Variants in MORC3 observed in about 807,000 individuals in gnomAD.
MORC3 encodes the protein MORC family CW-type zinc finger 3, also known as MORC family CW-type zinc finger protein 3.
MORC3 carries 31 observed loss-of-function variants against 109.1 expected under a neutral mutation model. The ratio of observed to expected loss-of-function variants is 0.28; its 90% CI spans 0.21 to 0.38. The LOEUF (loss-of-function observed/expected upper bound fraction) is 0.38. MORC3 is among the 10% of genes least tolerant of loss of function. The probability of loss-of-function intolerance (pLI) is 1.00; values close to 1 mark genes in which losing one functional copy is unlikely to be tolerated. For missense variants in MORC3, 867 were observed against 1,135.8 expected (o/e 0.76, Z 3.40); for synonymous variants, 395 against 380.7 (o/e 1.04, Z -0.44).
chr21:36,360,157 T>C (rs377513183), intron 11 of MORC3, 27 bp from the exon 12 acceptor site: 4 of 1,613,900 alleles, frequency 2.5e-6, no homozygotes, highest in Non-Finnish European at 3.4e-6. Flanking sequence ...TGGTGACATG[T>C]TATTCCTATG....
chr21:36,325,663 T>C (rs2085240648), intron 1 of MORC3, among the ~76,000 whole-genome samples: 1 of 152,238 alleles, frequency 6.6e-6, no homozygotes, highest in Admixed American at 6.5e-5. Context: ...TTGACTACGG[T>C]AGTCCCCCCT....
chr21:36,344,455 C>A, intron 6 of MORC3, 124 bp from the exon 7 acceptor site: 2 of 1,118,462 alleles, frequency 1.8e-6, no homozygotes, highest in Non-Finnish European at 2.5e-6. Flanking sequence ...AGCTTTATAG[C>A]CTATTTTATT....
intron 8 of MORC3, 61 bp downstream of exon 8, chr21:36,345,092 T>G: frequency 8.2e-6 from 12 of 1,461,494 alleles, no homozygotes; most frequent in Non-Finnish European, 1.1e-5. Flanking sequence ...TAGGATAATA[T>G]ATGCTCTTGA....
chr21:36,323,920 G>T (rs1422544307), intron 1 of MORC3, among the ~76,000 whole-genome samples: 2 of 151,462 alleles, frequency 1.3e-5, no homozygotes, highest in Non-Finnish European at 2.9e-5. Context: ...TTGTTGCCCA[G>T]ACTGGAGTGC....
chr21:36,340,698 G>A (rs543146652), intron 5 of MORC3, among the ~76,000 whole-genome samples: 14 of 141,598 alleles, frequency 9.9e-5, no homozygotes, highest in Admixed American at 8.6e-4. Context: ...GAAGTATAGC[G>A]CCATCTCGGC....
intron 2 of MORC3, among the ~76,000 whole-genome samples, chr21:36,334,500 A>G (rs893484874): frequency 1.3e-5 from 2 of 152,070 alleles, no homozygotes. Flanking sequence ...AGGTCTCACC[A>G]TGTTGTCCAG....
chr21:36,339,072 T>C, intron 5 of MORC3, 151 bp downstream of exon 5: 1 of 898,656 alleles, frequency 1.1e-6, no homozygotes, highest in East Asian at 2.7e-5. Context: ...GCCCAGGATA[T>C]GTTATAGAGG....
At chr21:36,365,190 A>G (rs758795623) in intron 14 of MORC3, among the ~76,000 whole-genome samples, 51 of 152,174 alleles carry the variant, frequency 3.4e-4, no homozygotes, top group Non-Finnish European at 1.6e-4. Flanking sequence ...ACAAAGAGAA[A>G]GTGATGCATG....
intron 9 of MORC3, among the ~76,000 whole-genome samples, chr21:36,351,870 A>G (rs1327299539): frequency 1.3e-5 from 2 of 152,208 alleles, no homozygotes; most frequent in African/African-American, 4.8e-5. Flanking sequence ...GTATATTTGA[A>G]GAGATACCTG....
In MORC3 at chr21:36,337,913, G is replaced by A. The variant is rs2085391983; in HGVS notation, c.427G>A (p.Val143Ile). 1.2e-6 allele frequency: 2 copies of A among 1,614,038 alleles called. No homozygotes were observed. The highest frequency in any genetic ancestry group is 2.2e-5 in the East Asian group (1 of 44,886). ...TYLEVIKAEH[V>I]VVPIVAFNKH... ...CTTGGAAGTCATAAAAGCGGAGCAT[G>A]TTGTTGTTCCAATAGTGGCATTCAA... Residue 143 changes from valine (V) to isoleucine (I), a missense_variant, in exon 4 of 17, where the codon GTT becomes ATT. Val to Ile is a conservative substitution (Grantham distance 29). Around this residue, in one of 7 missense-constraint regions of MORC3, gnomAD observed 134 missense variants for 166.6 expected, o/e 0.80. Transcript: ENST00000400485.
Position 36,327,825 on chromosome 21 carries a change from T to A in MORC3, c.40-5821T>A, listed in dbSNP as rs191033461. ...TGGGTGACTCCATTTTGATTTTTAG[T>A]CTGTTTTTGGAGGCCTAGAGCAGGA... On this transcript the variant is annotated intron_variant, in intron 1 of 16. Transcript: ENST00000400485. Among the ~76,000 whole-genome samples the A allele has an allele frequency of 1.7e-4, 26 of 152,032 alleles. 2 individuals are homozygous for A. The East Asian group carries it at 2.7e-3, about 16-fold the overall frequency.
intron 9 of MORC3, among the ~76,000 whole-genome samples, chr21:36,353,755 AT>A (rs1202729285): frequency 9.2e-4 from 65 of 71,006 alleles, no homozygotes; most frequent in Non-Finnish European, 1.1e-3. Context: ...TAATTTTTGT[AT>A]TTTTTTTTTT....
intron 5 of MORC3, among the ~76,000 whole-genome samples, chr21:36,340,612 C>CTTTCT (rs1048380865): frequency 1.4e-4 from 19 of 139,000 alleles, no homozygotes; most frequent in African/African-American, 4.2e-4. Context: ...TTTTTTTTTT[C>CTTTCT]TTTCTTTTCT....
At chr21:36,372,210 G>A (rs142079666) in intron 15 of MORC3, among the ~76,000 whole-genome samples, 164 bp from the exon 16 acceptor site, 1,543 of 152,134 alleles carry the variant, frequency 0.01, 18 homozygotes, top group African/African-American at 0.035. Flanking sequence ...AGCTGTAAAC[G>A]AATGAAGCCT....
At chr21:36,320,619 C>T (rs1005456753) in intron 1 of MORC3, 7 of 286,964 alleles carry the variant, frequency 2.4e-5, no homozygotes, top group East Asian at 1.2e-4. Context: ...GGAGATCGGT[C>T]TGCTCTCGGG....
At chr21:36,343,559 C>G (rs1209930451) in intron 6 of MORC3, among the ~76,000 whole-genome samples, 1 of 150,770 alleles carries the variant, frequency 6.6e-6, no homozygotes, top group Non-Finnish European at 1.5e-5. Flanking sequence ...AGCGATTCTT[C>G]TGGCACAGCC....
chr21:36,334,100 T>A (rs1391372715), intron 2 of MORC3, among the ~76,000 whole-genome samples: 1 of 152,056 alleles, frequency 6.6e-6, no homozygotes, highest in Admixed American at 6.6e-5. Context: ...AAAAATATTT[T>A]AAAAATCAGC....
rs1459156187 is a variant in MORC3 at position 36,369,828 on chromosome 21, T to C, written c.2460T>C (p.Phe820=). 6.2e-7 allele frequency: 1 copy of C among 1,613,906 alleles called. No individual in the cohort carries two copies. Among genetic ancestry groups the C allele is most frequent in the Non-Finnish European group, 8.5e-7 (1 of 1,180,036 alleles). The change falls in exon 15 of 17, where the codon TTT becomes TTC. Residue 820 remains phenylalanine (F), a synonymous_variant. Transcript: ENST00000400485. ...DEMAVQLDDV[F]RQLDKCSIER... is the part of the protein sequence containing the mutation. ...TGGCTGTGCAGCTTGACGATGTGTT[T>C]AGACAACTGGACAAATGCAGTATTG... is the stretch of plus-strand genomic sequence containing the variant.
chr21:36,339,119 T>TA (rs936065866), intron 5 of MORC3, 198 bp downstream of exon 5: 10 of 570,860 alleles, frequency 1.8e-5, no homozygotes, highest in East Asian at 7.4e-5. Flanking sequence ...TTCATCTTGT[T>TA]AAAAAAAATT....
Sources: allele counts gnomAD v4.1 joint callset (sites outside exome capture counted in the v4.1 genomes callset), GRCh38; gene constraint gnomAD v4.1.1; regional missense constraint gnomAD v4.1.1; transcripts MANE v1.5; gene names NCBI Gene and HGNC (gene_info 2026-07-23, HGNC 2026-07-21).